PTPRD: variants seen among roughly 807,000 people sequenced by gnomAD.
PTPRD encodes receptor-type tyrosine-protein phosphatase delta.
In PTPRD, 34 loss-of-function variants were observed where a neutral mutation model predicts 214.5. The observed-to-expected ratio is 0.16, with a 90% CI of 0.12 to 0.21. The LOEUF is 0.21. PTPRD is among the 10% of genes least tolerant of loss of function. The pLI, the probability that PTPRD is intolerant of heterozygous loss-of-function variation, is 1.00. For synonymous variants in PTPRD, 1,128 were observed against 845.7 expected, an observed-to-expected ratio of 1.33 and a Z score of -5.79; for missense variants, 2,545 against 2,398.7, an observed-to-expected ratio of 1.06 and a Z score of -1.27.
intron 9 of PTPRD, among the ~76,000 whole-genome samples, chr9:9,321,760 T>C (rs1245062565): frequency 6.6e-6 from 1 of 152,160 alleles, no homozygotes; most frequent in East Asian, 1.9e-4. Flanking sequence ...TCTACATTTG[T>C]AGAATGGGAG....
At chr9:8,335,685 A>G (rs975977229) in intron 43 of PTPRD, among the ~76,000 whole-genome samples, 5 of 152,182 alleles carry the variant, frequency 3.3e-5, no homozygotes, top group African/African-American at 1.2e-4. Context: ...TTCAATTAGG[A>G]AAAGAGGAAG....
intron 3 of PTPRD, among the ~76,000 whole-genome samples, chr9:10,316,443 G>C (rs1397403158): frequency 6.6e-6 from 1 of 151,608 alleles, no homozygotes; most frequent in Non-Finnish European, 1.5e-5. Context: ...TTGCATGAGT[G>C]GGTTATGTAT....
At chr9:8,333,315 AC>A (rs745936239) in intron 43 of PTPRD, among the ~76,000 whole-genome samples, 12 of 152,168 alleles carry the variant, frequency 7.9e-5, no homozygotes, top group Non-Finnish European at 1.8e-4. Flanking sequence ...ATTTCTGACC[AC>A]AGTTGCTTTC....
At chr9:10,520,567 T>A (rs1414358930) in intron 2 of PTPRD, among the ~76,000 whole-genome samples, 1 of 152,188 alleles carries the variant, frequency 6.6e-6, no homozygotes, top group Non-Finnish European at 1.5e-5. Context: ...GATTTTTAAT[T>A]AAGAAGAAAC....
intron 2 of PTPRD, among the ~76,000 whole-genome samples, chr9:10,384,173 G>A (rs1272978892): frequency 6.6e-6 from 1 of 151,448 alleles, no homozygotes; most frequent in Non-Finnish European, 1.5e-5. Flanking sequence ...ATAACTAAGA[G>A]TATAATTGGA....
chr9:9,723,748 T>C (rs888055472), intron 7 of PTPRD, among the ~76,000 whole-genome samples: 3 of 152,122 alleles, frequency 2.0e-5, no homozygotes, highest in African/African-American at 4.8e-5. Flanking sequence ...TTAAGTTTAT[T>C]CTTAAGTATT....
chr9:8,347,139 C>T (rs986847706), intron 39 of PTPRD, among the ~76,000 whole-genome samples: 3 of 151,998 alleles, frequency 2.0e-5, no homozygotes, highest in Non-Finnish European at 4.4e-5. Flanking sequence ...TCTCTAGTGA[C>T]CTCATGTTTG....
At chr9:9,827,885 C>T (rs1191624768) in intron 5 of PTPRD, among the ~76,000 whole-genome samples, 1 of 152,002 alleles carries the variant, frequency 6.6e-6, no homozygotes, top group Non-Finnish European at 1.5e-5. Flanking sequence ...ATTATGCAGC[C>T]AAAAGACACA....
intron 2 of PTPRD, among the ~76,000 whole-genome samples, chr9:10,345,085 G>C (rs568374881): frequency 3.3e-5 from 5 of 151,856 alleles, no homozygotes; most frequent in Non-Finnish European, 2.9e-5. Flanking sequence ...TTATCTTTTT[G>C]GTATGCTGAT....
intron 8 of PTPRD, among the ~76,000 whole-genome samples, chr9:9,401,212 A>G (rs1249622195): frequency 6.6e-6 from 1 of 152,070 alleles, no homozygotes; most frequent in Non-Finnish European, 1.5e-5. Flanking sequence ...AATTCTTATG[A>G]GTTTCAGTAA....
At chr9:9,335,596 G>T (rs1174905378) in intron 9 of PTPRD, among the ~76,000 whole-genome samples, 1 of 151,998 alleles carries the variant, frequency 6.6e-6, no homozygotes, top group African/African-American at 2.4e-5. Context: ...AAGGACTTAT[G>T]AATTTAACAG....
At chr9:8,681,314 A>G (rs2097545168) in intron 12 of PTPRD, among the ~76,000 whole-genome samples, 1 of 152,226 alleles carries the variant, frequency 6.6e-6, no homozygotes, top group Non-Finnish European at 1.5e-5. Flanking sequence ...CATGCTTACT[A>G]ATGCAAATAA....
chr9:9,323,327 CT>C (rs1027348030), intron 9 of PTPRD, among the ~76,000 whole-genome samples: 1 of 152,014 alleles, frequency 6.6e-6, no homozygotes, highest in Non-Finnish European at 1.5e-5. Flanking sequence ...TTAATCAAAT[CT>C]TTTTTACTTA....
intron 35 of PTPRD, among the ~76,000 whole-genome samples, chr9:8,414,933 GAGAGA>G (rs2093807153): frequency 2.1e-3 from 63 of 30,516 alleles, no homozygotes; most frequent in African/African-American, 5.6e-3. Flanking sequence ...GGGAGGGGGA[GAGAGA>G]GAGAGAGAGA....
chr9:8,564,473 G>A (rs965098895), intron 14 of PTPRD, among the ~76,000 whole-genome samples: 1 of 152,076 alleles, frequency 6.6e-6, no homozygotes, highest in African/African-American at 2.4e-5. Flanking sequence ...CTGGAGGCGG[G>A]CGGATCACTT....
intron 7 of PTPRD, among the ~76,000 whole-genome samples, chr9:9,665,723 C>T (rs180782404): frequency 1.3e-5 from 2 of 151,726 alleles, no homozygotes; most frequent in Non-Finnish European, 1.5e-5. Context: ...TCCTAGCCCA[C>T]ATTAATGATA....
intron 9 of PTPRD, among the ~76,000 whole-genome samples, chr9:9,255,062 G>A (rs563633931): frequency 4.5e-4 from 68 of 152,142 alleles, no homozygotes; most frequent in African/African-American, 1.5e-3. Flanking sequence ...TTCAGCTAAC[G>A]AATGCAACTG....
intron 3 of PTPRD, among the ~76,000 whole-genome samples, chr9:10,113,213 G>A (rs1449836202): frequency 6.6e-6 from 1 of 152,172 alleles, no homozygotes; most frequent in Non-Finnish European, 1.5e-5. Context: ...AACAGGAACT[G>A]TTTCCAGTGC....
At chr9:9,387,409 A>G (rs925795957) in intron 9 of PTPRD, among the ~76,000 whole-genome samples, 2 of 152,120 alleles carry the variant, frequency 1.3e-5, no homozygotes, top group African/African-American at 4.8e-5. Flanking sequence ...ATTAAAATAA[A>G]GTTATTGAGG....
Sources: allele counts gnomAD v4.1 joint callset (sites outside exome capture counted in the v4.1 genomes callset), GRCh38; gene constraint gnomAD v4.1.1; transcripts MANE v1.5; gene names NCBI Gene and HGNC (gene_info 2026-07-23, HGNC 2026-07-21).